CREBRF: variants seen among roughly 807,000 people sequenced by gnomAD.
CREBRF encodes the protein CREB3 regulatory factor, also known as UPF0474 protein C5orf41.
A neutral mutation model predicts 66.1 loss-of-function variants in CREBRF; 5 were observed. That is an observed-to-expected ratio of 0.08 (90% CI 0.04 to 0.16). The LOEUF is 0.16. Among genes scored for constraint, CREBRF ranks in the 10% least tolerant of loss-of-function variants. The pLI is 1.00. For synonymous variants in CREBRF, 229 were observed against 264.4 expected (o/e 0.87, Z 1.30); for missense variants, 531 against 744.9 (o/e 0.71, Z 3.34).
intron 8 of CREBRF, among the ~76,000 whole-genome samples, chr5:173,131,526 C>G (rs1045437009): frequency 6.6e-6 from 1 of 152,106 alleles, no homozygotes; most frequent in Non-Finnish European, 1.5e-5. Flanking sequence ...TGTAAAATGT[C>G]TCAACATTTG....
intron 4 of CREBRF, among the ~76,000 whole-genome samples, chr5:173,095,183 C>CTTTTT (rs34893180): frequency 3.3e-4 from 30 of 89,582 alleles, no homozygotes; most frequent in Admixed American, 4.4e-4. Context: ...ATTACTATAG[C>CTTTTT]TTTTTTTTTT....
chr5:173,084,009 A>C (rs1434559100), intron 2 of CREBRF, among the ~76,000 whole-genome samples: 1 of 152,244 alleles, frequency 6.6e-6, no homozygotes. Context: ...TGTGAAAGTC[A>C]CAGTCACATA....
In CREBRF at chr5:173,090,408, G is replaced by C; in HGVS notation, c.229G>C (p.Val77Leu). ...TGAAAATCTGGAGTCTTTCACAGAT[G>C]TCCTGGATAATGAGGGTGCTTTAAC... ...DIENLESFTD[V>L]LDNEGALTSN... Residue 77 changes from valine (V) to leucine (L), a missense_variant, in exon 4 of 9, where the codon GTC becomes CTC. Val to Leu is a conservative substitution (Grantham distance 32, BLOSUM62 1). Coordinates refer to ENST00000296953, the MANE Select transcript of CREBRF (RefSeq NM_153607.3). The surrounding 1 kb of genome is among the most constrained non-coding windows in gnomAD (Gnocchi z 4.5). The C allele has an allele frequency of 2.5e-6, 4 of 1,614,018 alleles. No homozygotes were observed. Among genetic ancestry groups the C allele is most frequent in the Non-Finnish European group, 3.4e-6 (4 of 1,179,912 alleles).
intron 3 of CREBRF, among the ~76,000 whole-genome samples, chr5:173,087,437 C>A (rs1758187840): frequency 6.6e-6 from 1 of 152,062 alleles, no homozygotes; most frequent in South Asian, 2.1e-4. Context: ...GTGGCTCACG[C>A]CTGTAATCCC....
At chr5:173,114,048 G>A (rs762402057) in intron 7 of CREBRF, among the ~76,000 whole-genome samples, 54 of 152,154 alleles carry the variant, frequency 3.5e-4, no homozygotes, top group Non-Finnish European at 6.3e-4. Context: ...TAGCATGTCT[G>A]GCACATAGGT....
intron 5 of CREBRF, chr5:173,109,911 AG>A (rs1272609027): frequency 6.5e-6 from 1 of 154,158 alleles, no homozygotes; most frequent in African/African-American, 2.4e-5. Context: ...TATGAATACT[AG>A]GAAAGTTGTA....
At chr5:173,062,352 A>AT (rs1256119980) in intron 1 of CREBRF, among the ~76,000 whole-genome samples, 1 of 152,146 alleles carries the variant, frequency 6.6e-6, no homozygotes, top group African/African-American at 2.4e-5. Context: ...GAATGCATGC[A>AT]TTGCTGAGAA....
At chr5:173,117,585 CCT>C (rs1759026227) in intron 7 of CREBRF, among the ~76,000 whole-genome samples, 1 of 57,402 alleles carries the variant, frequency 1.7e-5, no homozygotes, top group Non-Finnish European at 4.0e-5. Context: ...CTCCCTCCTT[CCT>C]TCCTTCCTTC....
At chr5:173,065,674 T>C (rs1426738404) in intron 1 of CREBRF, among the ~76,000 whole-genome samples, 1 of 150,968 alleles carries the variant, frequency 6.6e-6, no homozygotes, top group Non-Finnish European at 1.5e-5. Context: ...TCTTCTTTTT[T>C]TTTTTTTTTA....
intron 2 of CREBRF, among the ~76,000 whole-genome samples, chr5:173,084,805 C>A (rs1232100351): frequency 6.6e-6 from 1 of 152,082 alleles, no homozygotes; most frequent in East Asian, 1.9e-4. Flanking sequence ...CCACACCCGG[C>A]TAATTTTGTC....
intron 1 of CREBRF, among the ~76,000 whole-genome samples, chr5:173,063,688 A>G (rs1757349743): frequency 6.7e-6 from 1 of 148,594 alleles, no homozygotes; most frequent in Non-Finnish European, 1.5e-5. Flanking sequence ...CTTTTTCTTA[A>G]TTTTTAATTT....
intron 1 of CREBRF, among the ~76,000 whole-genome samples, chr5:173,058,514 C>T (rs1016701459): frequency 6.6e-6 from 1 of 151,312 alleles, no homozygotes; most frequent in Non-Finnish European, 1.5e-5. Flanking sequence ...GACGGAGTCT[C>T]GCTCTGTCGC....
At chr5:173,106,138 G>T (rs376939289) in intron 4 of CREBRF, among the ~76,000 whole-genome samples, 2 of 152,050 alleles carry the variant, frequency 1.3e-5, no homozygotes, top group East Asian at 3.9e-4. Flanking sequence ...TTTTTAAGAA[G>T]AGCCTAAGGG....
At chr5:173,108,517 A>G in intron 4 of CREBRF, 107 bp from the exon 5 acceptor site, 1 of 911,332 alleles carries the variant, frequency 1.1e-6, no homozygotes, top group South Asian at 1.6e-5. Context: ...TGATGTTTTC[A>G]GATGCAAGGA....
At chr5:173,077,296 A>C (rs991288464) in intron 1 of CREBRF, among the ~76,000 whole-genome samples, 15 of 152,254 alleles carry the variant, frequency 9.9e-5, no homozygotes, top group Admixed American at 3.9e-4. Context: ...TTTGTGGTAA[A>C]ATATACATAA....
chr5:173,067,601 T>TA (rs1432287414), intron 1 of CREBRF, among the ~76,000 whole-genome samples: 1 of 152,216 alleles, frequency 6.6e-6, no homozygotes, highest in Non-Finnish European at 1.5e-5. Flanking sequence ...TACTGGTAGT[T>TA]ACAATTTAAA....
At chr5:173,073,171 C>G (rs1757647232) in intron 1 of CREBRF, among the ~76,000 whole-genome samples, 1 of 152,162 alleles carries the variant, frequency 6.6e-6, no homozygotes, top group African/African-American at 2.4e-5. Flanking sequence ...CTCTGAGGCC[C>G]AAAGAGTAGA....
intron 7 of CREBRF, among the ~76,000 whole-genome samples, chr5:173,117,600 T>TCCTTCCTTCCTTCCTC (rs1759027671): frequency 2.1e-5 from 1 of 47,582 alleles, no homozygotes; most frequent in Non-Finnish European, 4.8e-5. Context: ...CTTCCTTCCT[T>TCCTTCCTTCCTTCCTC]CCATCCCTCC....
chr5:173,119,616 T>C (rs1759088547), intron 7 of CREBRF, among the ~76,000 whole-genome samples: 1 of 152,204 alleles, frequency 6.6e-6, no homozygotes, highest in African/African-American at 2.4e-5. Flanking sequence ...CTGATCTTTA[T>C]GGCTTTTGTT....
Sources: allele counts gnomAD v4.1 joint callset (sites outside exome capture counted in the v4.1 genomes callset), GRCh38; gene constraint gnomAD v4.1.1; non-coding constraint Gnocchi (gnomAD v3.1); transcripts MANE v1.5; gene names NCBI Gene and HGNC (gene_info 2026-07-23, HGNC 2026-07-21).